MACROD2: variants seen among roughly 807,000 people sequenced by gnomAD.
MACROD2 encodes mono-ADP ribosylhydrolase 2.
In MACROD2, 36 loss-of-function variants were observed where a neutral mutation model predicts 70.4. The observed-to-expected ratio is 0.51, with a 90% CI of 0.39 to 0.68. MACROD2 has a LOEUF of 0.68. MACROD2 is among the 30% of genes least tolerant of loss of function. The probability of loss-of-function intolerance (pLI) is 0.00; values close to 1 mark genes in which losing one functional copy is unlikely to be tolerated. For missense variants in MACROD2, 496 were observed against 538.4 expected (o/e 0.92, Z 0.78); for synonymous variants, 172 against 178.8 (o/e 0.96, Z 0.30).
intron 6 of MACROD2, among the ~76,000 whole-genome samples, chr20:15,396,105 T>A (rs1232013139): frequency 6.6e-6 from 1 of 152,214 alleles, no homozygotes; most frequent in Admixed American, 6.5e-5. Context: ...GACATCTACC[T>A]CTACTTGTAA....
intron 6 of MACROD2, among the ~76,000 whole-genome samples, chr20:15,386,771 C>T (rs2045718988): frequency 6.6e-6 from 1 of 152,304 alleles, no homozygotes; most frequent in Middle Eastern, 3.4e-3. Context: ...AGTGGTGCCA[C>T]AGGCATATTG....
intron 5 of MACROD2, among the ~76,000 whole-genome samples, chr20:15,049,047 C>T (rs2075418442): frequency 6.6e-6 from 1 of 151,566 alleles, no homozygotes; most frequent in African/African-American, 2.4e-5. Flanking sequence ...ATGAATAACC[C>T]TTATCACTTA....
chr20:14,526,020 T>C (rs183442329), intron 4 of MACROD2, among the ~76,000 whole-genome samples: 3 of 152,228 alleles, frequency 2.0e-5, no homozygotes, highest in Admixed American at 1.3e-4. Flanking sequence ...AAGGCCGATA[T>C]CGGAATGTTG....
chr20:15,623,718 A>T (rs2049161591), intron 8 of MACROD2, among the ~76,000 whole-genome samples: 1 of 151,540 alleles, frequency 6.6e-6, no homozygotes, highest in South Asian at 2.1e-4. Context: ...CTATCTATCT[A>T]TCGATGTGTC....
intron 12 of MACROD2, among the ~76,000 whole-genome samples, chr20:15,963,149 A>G (rs1221911663): frequency 6.6e-6 from 1 of 152,206 alleles, no homozygotes; most frequent in African/African-American, 2.4e-5. Context: ...TCAGTTAACG[A>G]GAATCAAAGA....
chr20:14,733,282 C>T (rs2071619651), intron 5 of MACROD2, among the ~76,000 whole-genome samples: 1 of 152,256 alleles, frequency 6.6e-6, no homozygotes, highest in African/African-American at 2.4e-5. Context: ...AAAAATAATA[C>T]TTCTCCTAAT....
intron 8 of MACROD2, among the ~76,000 whole-genome samples, chr20:15,696,470 G>A (rs191973560): frequency 4.9e-4 from 75 of 152,166 alleles, no homozygotes; most frequent in African/African-American, 1.4e-3. Context: ...GGATTTTAGC[G>A]TCTATGTTCA....
intron 7 of MACROD2, among the ~76,000 whole-genome samples, chr20:15,458,103 A>G (rs1443468384): frequency 2.0e-5 from 3 of 152,172 alleles, no homozygotes; most frequent in African/African-American, 7.2e-5. Context: ...TTCCCCCAGT[A>G]AAAGGAACTT....
chr20:16,026,654 G>A (rs1475522924), intron 15 of MACROD2, among the ~76,000 whole-genome samples: 1 of 152,174 alleles, frequency 6.6e-6, no homozygotes, highest in Non-Finnish European at 1.5e-5. Flanking sequence ...GAGAAGTCAT[G>A]CCACTTCTCT....
intron 3 of MACROD2, among the ~76,000 whole-genome samples, chr20:14,096,114 T>C (rs1369448515): frequency 6.6e-6 from 1 of 152,124 alleles, no homozygotes; most frequent in Admixed American, 6.5e-5. Flanking sequence ...TCCTAGTAAA[T>C]TATATTGGCA....
intron 5 of MACROD2, among the ~76,000 whole-genome samples, chr20:14,764,119 C>G (rs890671782): frequency 2.0e-5 from 3 of 152,020 alleles, no homozygotes; most frequent in African/African-American, 7.3e-5. Flanking sequence ...CTTGCCATTT[C>G]TTATGGTGAG....
At chr20:15,782,330 T>G (rs534672599) in intron 8 of MACROD2, among the ~76,000 whole-genome samples, 8 of 152,244 alleles carry the variant, frequency 5.3e-5, no homozygotes, top group African/African-American at 1.9e-4. Context: ...ACTTACTATT[T>G]TCTTCTAATT....
At chr20:14,838,428 G>A (rs561806960) in intron 5 of MACROD2, among the ~76,000 whole-genome samples, 2 of 152,098 alleles carry the variant, frequency 1.3e-5, no homozygotes, top group East Asian at 1.9e-4. Flanking sequence ...GGTGCCTTGT[G>A]GAATATCTTG....
intron 8 of MACROD2, among the ~76,000 whole-genome samples, chr20:15,529,145 G>A (rs962717288): frequency 6.6e-6 from 1 of 152,092 alleles, no homozygotes; most frequent in Non-Finnish European, 1.5e-5. Flanking sequence ...TCCCATTCTT[G>A]ATCATTGTTC....
intron 4 of MACROD2, among the ~76,000 whole-genome samples, chr20:14,553,272 T>C (rs979439053): frequency 1.3e-5 from 2 of 151,970 alleles, no homozygotes; most frequent in African/African-American, 4.8e-5. Flanking sequence ...AATATCACTG[T>C]CTTCCACCTC....
intron 10 of MACROD2, among the ~76,000 whole-genome samples, chr20:15,890,586 T>C (rs2064875758): frequency 1.3e-5 from 2 of 151,682 alleles, no homozygotes; most frequent in African/African-American, 4.9e-5. Flanking sequence ...TTTGGGGGAG[T>C]TGCTAATGTA....
chr20:15,912,700 G>A (rs1215348145), intron 10 of MACROD2, among the ~76,000 whole-genome samples: 1 of 152,130 alleles, frequency 6.6e-6, no homozygotes, highest in Non-Finnish European at 1.5e-5. Context: ...TGCCTTCAGT[G>A]GAGGTTATTG....
At chr20:14,011,790 A>G (rs1422956738) in intron 2 of MACROD2, among the ~76,000 whole-genome samples, 2 of 152,174 alleles carry the variant, frequency 1.3e-5, no homozygotes, top group African/African-American at 2.4e-5. Flanking sequence ...CGGCCTCCCA[A>G]AGTGCTGAGA....
intron 10 of MACROD2, among the ~76,000 whole-genome samples, chr20:15,921,960 C>T (rs1200127031): frequency 6.6e-6 from 1 of 152,208 alleles, no homozygotes; most frequent in East Asian, 1.9e-4. Flanking sequence ...GCATGGATGC[C>T]AGGGTAGGGG....
Sources: gnomAD v4.1 joint callset for allele counts (sites outside exome capture counted in the v4.1 genomes callset) on GRCh38, gnomAD v4.1.1 for gene constraint, MANE v1.5 for transcripts, NCBI Gene and HGNC (gene_info 2026-07-23, HGNC 2026-07-21) for gene names.